The following MDGA2 variants were observed in gnomAD, a reference collection of about 807,000 sequenced individuals.
MDGA2 encodes the protein MAM domain containing glycosylphosphatidylinositol anchor 2, also known as MAM domain-containing glycosylphosphatidylinositol anchor protein 2.
In MDGA2, 40 loss-of-function variants were observed where a neutral mutation model predicts 117.8. The ratio of observed to expected loss-of-function variants is 0.34; its 90% CI spans 0.26 to 0.44. The LOEUF (loss-of-function observed/expected upper bound fraction) is 0.44. Ranked by LOEUF, MDGA2 falls within the 20% of genes least tolerant of loss-of-function variation. The pLI is 1.00. For synonymous variants in MDGA2, 452 were observed against 439.0 expected (o/e 1.03, Z -0.37); for missense variants, 1,123 against 1,250.6 (o/e 0.90, Z 1.54).
intron 2 of MDGA2, among the ~76,000 whole-genome samples, chr14:47,223,450 G>A (rs1199997280): frequency 1.3e-5 from 2 of 152,150 alleles, no homozygotes; most frequent in Non-Finnish European, 2.9e-5. Flanking sequence ...AGATTGTTTA[G>A]GAGAGAGGAA....
chr14:47,247,979 CT>C (rs1013494565), intron 2 of MDGA2, among the ~76,000 whole-genome samples: 10 of 151,032 alleles, frequency 6.6e-5, no homozygotes, highest in South Asian at 2.1e-4. Flanking sequence ...TGAATACATC[CT>C]TTTTTTTATG....
intron 1 of MDGA2, among the ~76,000 whole-genome samples, chr14:47,464,463 T>A (rs575983170): frequency 2.8e-4 from 42 of 152,222 alleles, no homozygotes; most frequent in Admixed American, 1.8e-3. Context: ...CAAAAGCTCC[T>A]TTGGCTGAAA....
intron 3 of MDGA2, among the ~76,000 whole-genome samples, chr14:47,168,892 A>G (rs1884002481): frequency 6.6e-6 from 1 of 152,106 alleles, no homozygotes; most frequent in African/African-American, 2.4e-5. Flanking sequence ...AAGTATTTCA[A>G]TCTGTTAAAC....
intron 14 of MDGA2, among the ~76,000 whole-genome samples, chr14:46,858,857 C>T (rs1043690796): frequency 2.0e-5 from 3 of 152,102 alleles, no homozygotes; most frequent in South Asian, 4.1e-4. Flanking sequence ...TATCTAGTTA[C>T]TTTCAGTGAG....
intron 5 of MDGA2, among the ~76,000 whole-genome samples, chr14:47,106,955 C>G (rs575826198): frequency 0.042 from 4,515 of 107,042 alleles, 184 homozygotes; most frequent in African/African-American, 0.076. Flanking sequence ...GGCCGAGACA[C>G]TTTAACTAAA....
intron 2 of MDGA2, among the ~76,000 whole-genome samples, chr14:47,230,405 G>A (rs1252444247): frequency 6.6e-6 from 1 of 151,912 alleles, no homozygotes; most frequent in African/African-American, 2.4e-5. Context: ...ACATAATACA[G>A]TGCAATTCTA....
At chr14:46,844,661 GGTA>G (rs762947139) in intron 16 of MDGA2, among the ~76,000 whole-genome samples, 7 of 152,068 alleles carry the variant, frequency 4.6e-5, no homozygotes, top group Non-Finnish European at 8.8e-5. Context: ...ATGCTGACAT[GGTA>G]AGGCTTTGTG....
intron 8 of MDGA2, among the ~76,000 whole-genome samples, chr14:47,015,480 T>C (rs150186437): frequency 2.0e-5 from 3 of 151,388 alleles, no homozygotes; most frequent in African/African-American, 4.8e-5. Flanking sequence ...GTAAATCAAA[T>C]AGACATGAAC....
chr14:47,103,185 C>T (rs1421394287), intron 5 of MDGA2, among the ~76,000 whole-genome samples: 2 of 152,110 alleles, frequency 1.3e-5, no homozygotes, highest in Admixed American at 1.3e-4. Context: ...AAATTAAATC[C>T]AGCTTGTATG....
intron 1 of MDGA2, among the ~76,000 whole-genome samples, chr14:47,561,149 T>G (rs1257085616): frequency 4.9e-5 from 5 of 101,562 alleles, no homozygotes; most frequent in African/African-American, 1.0e-4. Flanking sequence ...TTGTTTTTTT[T>G]TTTGTTTTGT....
intron 1 of MDGA2, among the ~76,000 whole-genome samples, chr14:47,458,366 C>T (rs1893407715): frequency 6.6e-6 from 1 of 152,100 alleles, no homozygotes; most frequent in South Asian, 2.1e-4. Flanking sequence ...AGACCAATAT[C>T]AAGCAGTTTT....
chr14:47,548,350 C>G (rs572596189), intron 1 of MDGA2, among the ~76,000 whole-genome samples: 2 of 152,006 alleles, frequency 1.3e-5, no homozygotes, highest in Admixed American at 1.3e-4. Context: ...TTTCTTGCGA[C>G]TTTTTTTCTT....
At chr14:47,269,314 T>C (rs1888068941) in intron 2 of MDGA2, among the ~76,000 whole-genome samples, 1 of 152,208 alleles carries the variant, frequency 6.6e-6, no homozygotes, top group Non-Finnish European at 1.5e-5. Flanking sequence ...TATACCATTC[T>C]GTACGTGAAG....
chr14:47,469,538 T>G (rs1348153056), intron 1 of MDGA2, among the ~76,000 whole-genome samples: 1 of 152,174 alleles, frequency 6.6e-6, no homozygotes, highest in Non-Finnish European at 1.5e-5. Context: ...CACATTTTCT[T>G]AATCCAGTCT....
At chr14:47,398,099 T>C (rs1229572319) in intron 1 of MDGA2, among the ~76,000 whole-genome samples, 1 of 152,138 alleles carries the variant, frequency 6.6e-6, no homozygotes, top group Non-Finnish European at 1.5e-5. Context: ...TGAGGTCACA[T>C]GATTGGTGTC....
intron 1 of MDGA2, among the ~76,000 whole-genome samples, chr14:47,348,449 T>C (rs1890808767): frequency 6.6e-6 from 1 of 152,070 alleles, no homozygotes; most frequent in African/African-American, 2.4e-5. Context: ...TGACTTCAGG[T>C]GATCCGCCCA....
At position 47,090,114 on chromosome 14, in the gene MDGA2, CAAAT is replaced by C. The variant is rs571597915; in HGVS notation, c.1195+6736_1195+6739del. Among the ~76,000 whole-genome samples the C allele has an allele frequency of 8.8e-3, 1,338 of 152,062 alleles. 13 individuals carry two copies. Among genetic ancestry groups the C allele is most frequent in the Non-Finnish European group, 0.014 (965 of 67,994 alleles). On this transcript the variant is annotated intron_variant, in intron 6 of 16. Coordinates refer to ENST00000399232, the MANE Select transcript of MDGA2 (RefSeq NM_001113498.3). Reference sequence around the variant, plus strand: ...GTGCTAATATTTGGCATGTTTCAGTCAAATAAGTTCAGAACAAATTATTTAATAT... The same window carrying C: ...GTGCTAATATTTGGCATGTTTCAGTCAAGTTCAGAACAAATTATTTAATAT...
chr14:47,339,989 T>A (rs1469906021), intron 1 of MDGA2, among the ~76,000 whole-genome samples: 1 of 152,136 alleles, frequency 6.6e-6, no homozygotes, highest in East Asian at 1.9e-4. Flanking sequence ...TCCTAAAAAA[T>A]AATAATAGAA....
At chr14:46,904,962 A>G (rs1170197406) in intron 10 of MDGA2, among the ~76,000 whole-genome samples, 2 of 152,216 alleles carry the variant, frequency 1.3e-5, no homozygotes, top group Non-Finnish European at 2.9e-5. Context: ...ATGGAAATAA[A>G]TGGGAATCTC....
Sources: allele counts gnomAD v4.1 joint callset (sites outside exome capture counted in the v4.1 genomes callset), GRCh38; gene constraint gnomAD v4.1.1; transcripts MANE v1.5; gene names NCBI Gene and HGNC (gene_info 2026-07-23, HGNC 2026-07-21).